The following AMPH variants were observed in gnomAD, a reference collection of about 807,000 sequenced individuals.
AMPH encodes the protein amphiphysin (Stiff-Mann syndrome with breast cancer 128kD autoantigen).
Under a neutral mutation model 99.1 loss-of-function variants are expected in AMPH, and 49 were observed. The observed-to-expected ratio is 0.49, with a 90% CI of 0.39 to 0.63. The LOEUF (loss-of-function observed/expected upper bound fraction) is 0.63, where lower values mean the gene tolerates loss of function less well. Among genes scored for constraint, AMPH ranks in the 20% least tolerant of loss-of-function variants. The pLI, the probability that AMPH is intolerant of heterozygous loss-of-function variation, is 0.00. For missense variants in AMPH, 759 were observed against 863.4 expected (o/e 0.88, Z 1.52); for synonymous variants, 314 against 317.3 (o/e 0.99, Z 0.11).
At chr7:38,503,505 G>GC in intron 3 of AMPH, 145 bp downstream of exon 3, 1 of 495,166 alleles carries the variant, frequency 2.0e-6, no homozygotes, top group South Asian at 2.7e-5. Flanking sequence ...CGGGGGGGTG[G>GC]GTGGTGGAAT....
intron 11 of AMPH, among the ~76,000 whole-genome samples, chr7:38,458,000 A>C (rs1358112060): frequency 6.6e-6 from 1 of 151,948 alleles, no homozygotes; most frequent in Non-Finnish European, 1.5e-5. Context: ...GTTTGGTAGT[A>C]TACTGCAGTA....
At chr7:38,417,387 T>C (rs1196681850) in intron 17 of AMPH, among the ~76,000 whole-genome samples, 3 of 152,198 alleles carry the variant, frequency 2.0e-5, no homozygotes, top group South Asian at 2.1e-4. Flanking sequence ...AGTTGTGATA[T>C]GGGATTTCAA....
intron 2 of AMPH, among the ~76,000 whole-genome samples, chr7:38,528,266 T>C (rs1422129782): frequency 2.0e-5 from 3 of 152,150 alleles, no homozygotes; most frequent in Non-Finnish European, 4.4e-5. Flanking sequence ...ATAAAATCAA[T>C]TGAGAAGTGC....
chr7:38,537,867 T>C (rs1376906161), intron 1 of AMPH, among the ~76,000 whole-genome samples: 1 of 152,110 alleles, frequency 6.6e-6, no homozygotes, highest in Non-Finnish European at 1.5e-5. Flanking sequence ...AAGGCAAAGA[T>C]AGTTGATACT....
chr7:38,469,102 C>T lies in AMPH; in HGVS notation c.591-2854G>A. Among the ~76,000 whole-genome samples the T allele has an allele frequency of 3.6e-5, 2 of 55,582 alleles. 1 individual carries two copies. The highest frequency in any genetic ancestry group is 6.0e-5 in the Non-Finnish European group (2 of 33,488). 36.5% of individuals were successfully genotyped at this position (55,582 alleles called of 152,430 possible). A position where few individuals can be genotyped will look rare whatever the true frequency, so the allele number is the denominator to read the frequency against. On this transcript the variant is annotated intron_variant, in intron 7 of 20. Transcript: ENST00000356264. ...CCGGGAGGCGGAGCTTGCAGTGAGC[C>T]GAGATCCCGCCACTGCACTCCAGCC...
rs73692341 is a variant in AMPH at position 38,443,431 on chromosome 7, G to A, written c.1018-7043C>T. On this transcript the variant is annotated intron_variant, in intron 11 of 20. Transcript: ENST00000356264. Reference sequence around the variant, plus strand: ...TATAAATTAATATTCCCCATGAACAGGAATGTAAAAATTCTAGACCGAGCT... The same window carrying A: ...TATAAATTAATATTCCCCATGAACAAGAATGTAAAAATTCTAGACCGAGCT... 3.5e-3 allele frequency among the ~76,000 whole-genome samples: 526 copies of A among 151,826 alleles called. 6 individuals are homozygous for A. Among genetic ancestry groups the A allele is most frequent in the African/African-American group, 0.012 (500 of 41,446 alleles).
At chr7:38,446,513 A>T (rs1374202851) in intron 11 of AMPH, among the ~76,000 whole-genome samples, 1 of 152,202 alleles carries the variant, frequency 6.6e-6, no homozygotes, top group Non-Finnish European at 1.5e-5. Flanking sequence ...TAATCCAAAA[A>T]CTATGCTTTC....
At chr7:38,530,876 TC>T (rs1790372916) in intron 2 of AMPH, among the ~76,000 whole-genome samples, 1 of 152,236 alleles carries the variant, frequency 6.6e-6, no homozygotes, top group African/African-American at 2.4e-5. Flanking sequence ...ATTTTGTTCT[TC>T]CTGCTGGATT....
At chr7:38,435,813 G>C (rs188086972) in intron 12 of AMPH, among the ~76,000 whole-genome samples, 6 of 152,168 alleles carry the variant, frequency 3.9e-5, no homozygotes, top group Non-Finnish European at 7.3e-5. Flanking sequence ...AGTTCAGAAC[G>C]ATCAACACTG....
chr7:38,529,732 A>T (rs1267095170), intron 2 of AMPH, among the ~76,000 whole-genome samples: 1 of 152,208 alleles, frequency 6.6e-6, no homozygotes, highest in Non-Finnish European at 1.5e-5. Flanking sequence ...ATCTCACAAG[A>T]AGGTCAAGAT....
intron 5 of AMPH, among the ~76,000 whole-genome samples, chr7:38,483,619 A>C (rs898182607): frequency 5.3e-5 from 8 of 152,152 alleles, no homozygotes; most frequent in Non-Finnish European, 1.0e-4. Flanking sequence ...AATAGTCAAA[A>C]GTTTGAGAGG....
chr7:38,487,492 C>A (rs367900153), intron 5 of AMPH, among the ~76,000 whole-genome samples: 11 of 152,154 alleles, frequency 7.2e-5, no homozygotes, highest in African/African-American at 2.4e-4. Context: ...GAAACTGGAC[C>A]CCTTCTTTAT....
At position 38,441,683 on chromosome 7, in the gene AMPH, T is replaced by C. The variant is rs566684442; in HGVS notation, c.1018-5295A>G. Among the ~76,000 whole-genome samples, 28 of 150,280 alleles carry C rather than the reference T, an allele frequency of 1.9e-4. No homozygotes were observed. The East Asian group carries it at 5.1e-3, about 27-fold the overall frequency. ...AGCAATATTCACAACAGCAAAGACA[T>C]GGAATCAACATAACTACCTATCAAT... On this transcript the variant is annotated intron_variant, in intron 11 of 20. Transcript: ENST00000356264.
At chr7:38,546,456 G>C (rs1161922054) in intron 1 of AMPH, among the ~76,000 whole-genome samples, 1 of 152,106 alleles carries the variant, frequency 6.6e-6, no homozygotes, top group Non-Finnish European at 1.5e-5. Flanking sequence ...CTATGTTTCA[G>C]ATTTAATCTG....
intron 1 of AMPH, among the ~76,000 whole-genome samples, chr7:38,616,351 C>T (rs1041270171): frequency 3.9e-5 from 6 of 152,166 alleles, no homozygotes; most frequent in African/African-American, 1.4e-4. Flanking sequence ...AAACTTAGAA[C>T]ATGAAAATAT....
rs759572219 is a variant in AMPH, at chr7:38,621,595, C to A, written c.69+9688G>T. Among the ~76,000 whole-genome samples, 7 of 151,808 alleles carry A rather than the reference C, an allele frequency of 4.6e-5. No individual in the cohort carries two copies. The East Asian group carries it at 1.4e-3, about 29-fold the overall frequency. On this transcript the variant is annotated intron_variant, in intron 1 of 20. Coordinates refer to ENST00000356264, the MANE Select transcript of AMPH (RefSeq NM_001635.4). ...ATATTTTATTAAATCATTATAGGCA[C>A]GTAAAGATAGGGAAAAATCATATAT...
At chr7:38,451,884 T>C (rs2129003679) in intron 11 of AMPH, among the ~76,000 whole-genome samples, 1 of 152,312 alleles carries the variant, frequency 6.6e-6, no homozygotes, top group African/African-American at 2.4e-5. Flanking sequence ...TTTTTGGACC[T>C]TTGGAAGATC....
intron 1 of AMPH, among the ~76,000 whole-genome samples, chr7:38,601,332 A>G (rs1245039690): frequency 1.3e-5 from 2 of 152,314 alleles, no homozygotes; most frequent in Non-Finnish European, 2.9e-5. Context: ...CTTTCTCCAG[A>G]TCTGTTAAAA....
At chr7:38,500,775 AT>A (rs1203597404) in intron 3 of AMPH, among the ~76,000 whole-genome samples, 2 of 152,208 alleles carry the variant, frequency 1.3e-5, no homozygotes, top group Non-Finnish European at 2.9e-5. Flanking sequence ...ACTGTTACAA[AT>A]ACTTAAGGTT....
Sources: allele counts gnomAD v4.1 joint callset (sites outside exome capture counted in the v4.1 genomes callset), GRCh38; gene constraint gnomAD v4.1.1; transcripts MANE v1.5; gene names NCBI Gene and HGNC (gene_info 2026-07-23, HGNC 2026-07-21).